The following KLHL1 variants were observed in gnomAD, a reference collection of about 807,000 sequenced individuals.
The protein encoded by KLHL1 is kelch-like protein 1.
KLHL1 carries 47 observed loss-of-function variants against 77.7 expected under a neutral mutation model. That is an observed-to-expected ratio of 0.60 (90% CI 0.48 to 0.77). The LOEUF (loss-of-function observed/expected upper bound fraction) is 0.77, where lower values mean the gene tolerates loss of function less well. Ranked by LOEUF, KLHL1 falls within the 30% of genes least tolerant of loss-of-function variation. The pLI is 0.00. For missense variants in KLHL1, 925 were observed against 910.8 expected, an observed-to-expected ratio of 1.02 and a Z score of -0.20; for synonymous variants, 360 against 325.2, an observed-to-expected ratio of 1.11 and a Z score of -1.15.
At chr13:69,981,792 T>A (rs80023219) in intron 1 of KLHL1, among the ~76,000 whole-genome samples, 19,901 of 146,608 alleles carry the variant, frequency 0.14, 2,601 homozygotes, top group African/African-American at 0.38. Flanking sequence ...GTGCCCAAAA[T>A]AAAAAAAAAT....
chr13:69,939,957 C>T (rs1883316070), intron 4 of KLHL1, 83 bp downstream of exon 4: 1 of 1,067,682 alleles, frequency 9.4e-7, no homozygotes, highest in Middle Eastern at 2.8e-4. Context: ...ACTTAAAAAA[C>T]TTGCTAATGC....
At chr13:69,787,512 A>T (rs1876619410) in intron 7 of KLHL1, among the ~76,000 whole-genome samples, 1 of 152,228 alleles carries the variant, frequency 6.6e-6, no homozygotes, top group Non-Finnish European at 1.5e-5. Flanking sequence ...AATTAATTCA[A>T]GGTGGATTAA....
At chr13:70,015,374 T>C (rs1246174970) in intron 1 of KLHL1, among the ~76,000 whole-genome samples, 1 of 152,132 alleles carries the variant, frequency 6.6e-6, no homozygotes, top group Non-Finnish European at 1.5e-5. Flanking sequence ...TAAACATATG[T>C]ATTATAGTCT....
intron 5 of KLHL1, among the ~76,000 whole-genome samples, chr13:69,858,814 A>G (rs1880023270): frequency 6.6e-6 from 1 of 152,124 alleles, no homozygotes. Flanking sequence ...TTTGCCAAGC[A>G]TGGAAAAGAG....
chr13:70,032,496 C>T (rs4254198), intron 1 of KLHL1, among the ~76,000 whole-genome samples: 88,829 of 151,896 alleles, frequency 0.58, 28,172 homozygotes, highest in East Asian at 0.81. Flanking sequence ...AGTATAATAC[C>T]ATACAATGTC....
chr13:69,782,430 G>A (rs1377476616), intron 7 of KLHL1, among the ~76,000 whole-genome samples: 1 of 152,242 alleles, frequency 6.6e-6, no homozygotes, highest in Non-Finnish European at 1.5e-5. Flanking sequence ...AGGGGTGACA[G>A]ACGGCACCTG....
At chr13:69,871,052 C>T (rs1338289497) in intron 5 of KLHL1, among the ~76,000 whole-genome samples, 2 of 152,074 alleles carry the variant, frequency 1.3e-5, no homozygotes, top group Admixed American at 6.6e-5. Flanking sequence ...GGTGGCTCTG[C>T]CTAGACTCCC....
chr13:70,098,950 T>C (rs1465032591), intron 1 of KLHL1, among the ~76,000 whole-genome samples: 1 of 151,878 alleles, frequency 6.6e-6, no homozygotes, highest in Non-Finnish European at 1.5e-5. Flanking sequence ...ATGGATTACA[T>C]GCTTTATACT....
intron 6 of KLHL1, among the ~76,000 whole-genome samples, chr13:69,815,984 CAT>C (rs1376093333): frequency 1.3e-5 from 2 of 151,436 alleles, no homozygotes; most frequent in Middle Eastern, 3.2e-3. Context: ...GTATATAAAA[CAT>C]ATTAATCAAG....
chr13:70,027,048 T>G (rs965082883), intron 1 of KLHL1, among the ~76,000 whole-genome samples: 1 of 152,044 alleles, frequency 6.6e-6, no homozygotes, highest in East Asian at 1.9e-4. Context: ...AAACAACAAA[T>G]TTTGAGTTTA....
At chr13:69,823,432 T>G (rs184808222) in intron 6 of KLHL1, among the ~76,000 whole-genome samples, 211 of 152,150 alleles carry the variant, frequency 1.4e-3, no homozygotes, top group Non-Finnish European at 2.4e-3. Flanking sequence ...CTCTAAAGTC[T>G]ATATATAAGC....
At chr13:69,839,721 T>C (rs1383799589) in intron 5 of KLHL1, among the ~76,000 whole-genome samples, 3 of 151,980 alleles carry the variant, frequency 2.0e-5, no homozygotes, top group Admixed American at 6.6e-5. Context: ...TAGTTTCCAA[T>C]AGTGAAAATT....
intron 6 of KLHL1, among the ~76,000 whole-genome samples, chr13:69,802,280 G>T (rs1205104985): frequency 6.6e-6 from 1 of 152,006 alleles, no homozygotes; most frequent in African/African-American, 2.4e-5. Flanking sequence ...TAAGTATTTG[G>T]GTTGGTTCCA....
chr13:69,815,515 G>A (rs1358781847), intron 6 of KLHL1, among the ~76,000 whole-genome samples: 1 of 152,158 alleles, frequency 6.6e-6, no homozygotes, highest in Non-Finnish European at 1.5e-5. Context: ...GGTACAAAAG[G>A]ATAGAAAAAT....
intron 1 of KLHL1, among the ~76,000 whole-genome samples, chr13:70,067,651 CAA>C: frequency 6.6e-6 from 1 of 151,990 alleles, no homozygotes; most frequent in South Asian, 2.1e-4. Context: ...ACAACAACAA[CAA>C]CAACAACAAA....
intron 2 of KLHL1, among the ~76,000 whole-genome samples, chr13:69,968,847 G>A (rs1884298484): frequency 6.6e-6 from 1 of 151,894 alleles, no homozygotes; most frequent in Non-Finnish European, 1.5e-5. Flanking sequence ...TGCACGTTTT[G>A]CACATGTACC....
chr13:69,740,582 G>A (rs1873948593), intron 7 of KLHL1, 26 bp from the exon 8 acceptor site: 3 of 1,547,766 alleles, frequency 1.9e-6, no homozygotes, highest in East Asian at 4.5e-5. Context: ...AATGAATGTA[G>A]TGCCTATAGT....
intron 4 of KLHL1, among the ~76,000 whole-genome samples, chr13:69,926,775 G>A (rs558064376): frequency 1.7e-4 from 25 of 151,302 alleles, no homozygotes; most frequent in South Asian, 1.3e-3. Flanking sequence ...TTGAAATCCC[G>A]TCTCTACTAA....
intron 5 of KLHL1, among the ~76,000 whole-genome samples, chr13:69,870,210 G>A (rs901754183): frequency 3.3e-5 from 5 of 152,102 alleles, no homozygotes; most frequent in Admixed American, 1.3e-4. Flanking sequence ...GCTGCCACTC[G>A]TAGTGGAAGT....
Sources: allele counts gnomAD v4.1 joint callset (sites outside exome capture counted in the v4.1 genomes callset), GRCh38; gene constraint gnomAD v4.1.1; transcripts MANE v1.5; gene names NCBI Gene and HGNC (gene_info 2026-07-23, HGNC 2026-07-21).